NAPEPLD: variants seen among roughly 807,000 people sequenced by gnomAD.
NAPEPLD encodes N-acyl phosphatidylethanolamine phospholipase D.
Under a neutral mutation model 38.1 loss-of-function variants are expected in NAPEPLD, and 23 were observed. The observed-to-expected ratio is 0.60, with a 90% confidence interval of 0.43 to 0.86. The LOEUF (loss-of-function observed/expected upper bound fraction) is 0.86. NAPEPLD is among the 40% of genes least tolerant of loss of function. The pLI is 0.00. For missense variants in NAPEPLD, 411 were observed against 476.8 expected (o/e 0.86, Z 1.28); for synonymous variants, 147 against 162.0 (o/e 0.91, Z 0.71).
In NAPEPLD at chr7:103,110,519, C is replaced by T. The variant is rs545837836; in HGVS notation, c.1056+4541G>A. ...TCTCAATAGAAGCAGAAAAGGCCTTCGACAAAATTCAACAACCCTTCAAGT... is the reference window on the plus strand; with the variant it reads ...TCTCAATAGAAGCAGAAAAGGCCTTTGACAAAATTCAACAACCCTTCAAGT... On this transcript the variant is annotated intron_variant, in intron 4 of 4. Coordinates refer to ENST00000465647, the MANE Select transcript of NAPEPLD (RefSeq NM_001122838.3). Among the ~76,000 whole-genome samples, 7 of 152,156 alleles carry T rather than the reference C, an allele frequency of 4.6e-5. No individual in the cohort carries two copies. The East Asian group carries it at 5.8e-4, about 13-fold the overall frequency.
intron 1 of NAPEPLD, among the ~76,000 whole-genome samples, chr7:103,147,368 T>G (rs1812777239): frequency 1.3e-5 from 2 of 152,332 alleles, no homozygotes; most frequent in African/African-American, 4.8e-5. Flanking sequence ...GTGTATGCAT[T>G]TCAACCTAAA....
In NAPEPLD at chr7:103,120,093, A is replaced by G. The variant is rs1366126263; in HGVS notation, c.425T>C (p.Leu142Pro). 6.2e-7 allele frequency: 1 copy of G among 1,614,008 alleles called. No individual in the cohort carries two copies. The highest frequency in any genetic ancestry group is 8.5e-7 in the Non-Finnish European group (1 of 1,180,038). Residue 142 changes from leucine to proline, a missense_variant, in exon 3 of 5, where the codon CTC (leucine) becomes CCC (proline). Leu to Pro is a moderately conservative substitution (Grantham distance 98, BLOSUM62 -3). Coordinates refer to ENST00000465647, the MANE Select transcript of NAPEPLD (RefSeq NM_001122838.3). The stretch of plus-strand genomic sequence containing the variant: ...AAAGATGGGATCCGTGAGAAATATG[A>G]GCTCATCCATTTCCACCATTACCGT... ...HATVMVEMDELIFLTDPIFSS... is the reference protein window; with the variant it reads ...HATVMVEMDEPIFLTDPIFSS...
At chr7:103,104,896 C>T (rs775519550) in intron 4 of NAPEPLD, among the ~76,000 whole-genome samples, 1 of 152,156 alleles carries the variant, frequency 6.6e-6, no homozygotes, top group Non-Finnish European at 1.5e-5. Flanking sequence ...TTCTCCCATG[C>T]TGTACAAGTC....
upstream of NAPEPLD, chr7:103,149,415 G>A: frequency 8.1e-7 from 1 of 1,232,278 alleles, no homozygotes; most frequent in Non-Finnish European, 1.0e-6. Flanking sequence ...ACCCGAGCCC[G>A]CCGCGCTGGC....
chr7:103,110,089 C>T (rs1249689304), intron 4 of NAPEPLD, among the ~76,000 whole-genome samples: 1 of 152,102 alleles, frequency 6.6e-6, no homozygotes. Flanking sequence ...AGCCTACCAA[C>T]CAAAAAAAGT....
At chr7:103,122,257 G>A (rs959901361) in intron 2 of NAPEPLD, among the ~76,000 whole-genome samples, 1 of 151,880 alleles carries the variant, frequency 6.6e-6, no homozygotes, top group African/African-American at 2.4e-5. Flanking sequence ...GCCCTCACAC[G>A]TGCACACACA....
chr7:103,118,195 C>T (rs1165485288), intron 3 of NAPEPLD, among the ~76,000 whole-genome samples: 1 of 151,878 alleles, frequency 6.6e-6, no homozygotes, highest in Non-Finnish European at 1.5e-5. Context: ...CTCAAACAAC[C>T]AACCAAAAAA....
chr7:103,105,430 A>G (rs1803113285), intron 4 of NAPEPLD, among the ~76,000 whole-genome samples: 1 of 152,226 alleles, frequency 6.6e-6, no homozygotes, highest in Non-Finnish European at 1.5e-5. Context: ...GGCAATGTAC[A>G]TATTATGTAA....
intron 1 of NAPEPLD, chr7:103,141,425 C>G: frequency 1.1e-6 from 1 of 877,024 alleles, no homozygotes; most frequent in South Asian, 1.3e-5. Context: ...CTCTTCATAG[C>G]TCTTGTGTGC....
chr7:103,109,434 C>T (rs1804062998), intron 4 of NAPEPLD, among the ~76,000 whole-genome samples: 1 of 152,186 alleles, frequency 6.6e-6, no homozygotes, highest in Admixed American at 6.5e-5. Context: ...AAGAAACTCA[C>T]TCAAAACCAC....
At position 103,145,156 on chromosome 7, in the gene NAPEPLD, T is replaced by C. The variant is rs1231947487; in HGVS notation, c.-17+3655A>G. Among the ~76,000 whole-genome samples the C allele has an allele frequency of 2.0e-5, 3 of 152,198 alleles. No homozygotes were observed. In the East Asian group the frequency reaches 5.8e-4, roughly 29 times the overall value. The stretch of plus-strand genomic sequence containing the variant: ...AAATGTGTGCGCAGTTTAAACTAAA[T>C]TGAAGATGAAGATTATAAAGTAAGA... On this transcript the variant is annotated intron_variant, in intron 1 of 4. Transcript: ENST00000465647.
rs77753257 is a variant in NAPEPLD, at chr7:103,122,761, G to A, written c.295-2538C>T. Among the ~76,000 whole-genome samples, 629 of 152,268 alleles carry A rather than the reference G, an allele frequency of 4.1e-3. 3 individuals carry two copies. The highest frequency in any genetic ancestry group is 7.5e-3 in the Non-Finnish European group (508 of 68,028). On this transcript the variant is annotated intron_variant, in intron 2 of 4. Transcript: ENST00000465647. ...AATGTTACCAATCTTTTGCATTTCC[G>A]TGGAGCTACTAACCTAGTTAAGATG...
intron 1 of NAPEPLD, among the ~76,000 whole-genome samples, chr7:103,130,151 C>T (rs1808627272): frequency 6.6e-6 from 1 of 152,112 alleles, no homozygotes; most frequent in South Asian, 2.1e-4. Flanking sequence ...AACAGAAAGC[C>T]AAATATTATT....
At chr7:103,107,466 C>G (rs913144718) in intron 4 of NAPEPLD, among the ~76,000 whole-genome samples, 2 of 151,892 alleles carry the variant, frequency 1.3e-5, no homozygotes, top group Non-Finnish European at 2.9e-5. Context: ...GCTAAAGGAG[C>G]GTATTCTAAC....
chr7:103,138,733 G>C (rs1810603488), intron 1 of NAPEPLD, among the ~76,000 whole-genome samples: 1 of 152,118 alleles, frequency 6.6e-6, no homozygotes, highest in Non-Finnish European at 1.5e-5. Context: ...GCCTCCCAAA[G>C]TGCTGGGATT....
At chr7:103,119,428 T>C in intron 3 of NAPEPLD, 149 bp downstream of exon 3, 1 of 594,794 alleles carries the variant, frequency 1.7e-6, no homozygotes, top group South Asian at 6.3e-5. Context: ...AAAATCTAAT[T>C]GAATCTGACC....
chr7:103,127,807 T>C (rs191321920), intron 2 of NAPEPLD: 1 of 152,284 alleles, frequency 6.6e-6, no homozygotes, highest in Admixed American at 6.5e-5. Flanking sequence ...CATTCACCAA[T>C]GAAAAATATT....
At chr7:103,124,319 G>A (rs1199800559) in intron 2 of NAPEPLD, among the ~76,000 whole-genome samples, 1 of 152,104 alleles carries the variant, frequency 6.6e-6, no homozygotes, top group African/African-American at 2.4e-5. Context: ...TTAGCCAAGT[G>A]TGGTAGTGCA....
Position 103,148,959 on chromosome 7 carries a change from G to A in NAPEPLD, c.-165C>T, listed in dbSNP as rs1340578466. 1 of 985,250 alleles carries A rather than the reference G, an allele frequency of 1.0e-6. No individual in the cohort carries two copies. The highest frequency in any genetic ancestry group is 1.2e-6 in the Non-Finnish European group (1 of 829,934). The allele number at this position is 985,250 out of a possible 1,614,324, so 61.0% of individuals were successfully genotyped here. ...CAGAGATGCAGGCTCCGCAACTCGCGAGGTGCGAAAATTCAAATGAAGCCC... is the reference window on the plus strand; with the variant it reads ...CAGAGATGCAGGCTCCGCAACTCGCAAGGTGCGAAAATTCAAATGAAGCCC... On this transcript the variant is annotated 5_prime_UTR_variant, in exon 1 of 5. Transcript: ENST00000465647.
Sources: gnomAD v4.1 joint callset for allele counts (sites outside exome capture counted in the v4.1 genomes callset) on GRCh38, gnomAD v4.1.1 for gene constraint, MANE v1.5 for transcripts, NCBI Gene and HGNC (gene_info 2026-07-23, HGNC 2026-07-21) for gene names.